LTBP1: variants seen among roughly 807,000 people sequenced by gnomAD.
LTBP1 encodes latent transforming growth factor beta binding protein 1, also known as latent-transforming growth factor beta-binding protein 1.
In LTBP1, 129 loss-of-function variants were observed where a neutral mutation model predicts 207.6. The observed-to-expected ratio is 0.62, with a 90% CI of 0.54 to 0.72. LTBP1 has a LOEUF of 0.72. LTBP1 is among the 30% of genes least tolerant of loss of function. The pLI is 0.00. For missense variants in LTBP1, 2,281 were observed against 2,217.2 expected, an observed-to-expected ratio of 1.03 and a Z score of -0.58; for synonymous variants, 963 against 833.7, an observed-to-expected ratio of 1.16 and a Z score of -2.67.
rs1446858530 is a variant in LTBP1, at chr2:33,385,427, A to G, written c.4712-3757A>G. 2.0e-5 allele frequency among the ~76,000 whole-genome samples: 3 copies of G among 152,234 alleles called. No individual in the cohort carries two copies. The East Asian group carries it at 5.8e-4, about 29-fold the overall frequency. On this transcript the variant is annotated intron_variant, in intron 31 of 33. Transcript: ENST00000404816. Reference sequence around the variant, plus strand: ...TTAAAAAAAACTTCATTTATTTCCAAATGTTCACTAGGGACTTAGTGATGT... The same window carrying G: ...TTAAAAAAAACTTCATTTATTTCCAGATGTTCACTAGGGACTTAGTGATGT...
chr2:33,059,785 T>C (rs748706550), intron 3 of LTBP1, among the ~76,000 whole-genome samples: 1 of 152,200 alleles, frequency 6.6e-6, no homozygotes, highest in Non-Finnish European at 1.5e-5. Flanking sequence ...TGAAGTGAAA[T>C]TTTGAGCATA....
Position 33,323,552 on chromosome 2 carries a change from G to A in LTBP1, c.3730+8283G>A, listed in dbSNP as rs532498347. 2.0e-5 allele frequency among the ~76,000 whole-genome samples: 3 copies of A among 152,202 alleles called. 1 individual carries two copies. Among genetic ancestry groups the A allele is most frequent in the African/African-American group, 7.2e-5 (3 of 41,536 alleles). ...CTTGCGAGGCTGAGGAAGGAGAATCGCATGAGCCTGGGAGGCGAGTGAGCT... is the reference window on the plus strand; with the variant it reads ...CTTGCGAGGCTGAGGAAGGAGAATCACATGAGCCTGGGAGGCGAGTGAGCT... On this transcript the variant is annotated intron_variant, in intron 24 of 33. Transcript: ENST00000404816.
intron 3 of LTBP1, among the ~76,000 whole-genome samples, chr2:33,033,301 G>C: frequency 6.6e-6 from 1 of 152,022 alleles, no homozygotes; most frequent in Middle Eastern, 3.4e-3. Flanking sequence ...TATTAAGTCA[G>C]ATATTTTATC....
chr2:33,246,918 C>T (rs919181011), intron 10 of LTBP1, among the ~76,000 whole-genome samples: 1 of 152,154 alleles, frequency 6.6e-6, no homozygotes, highest in Non-Finnish European at 1.5e-5. Context: ...AGACATGTTG[C>T]TACCTGATTT....
intron 2 of LTBP1, among the ~76,000 whole-genome samples, chr2:33,014,184 T>C (rs184150459): frequency 2.0e-5 from 3 of 152,320 alleles, no homozygotes. Context: ...ATGGTCCACG[T>C]ATTTAGAAAA....
chr2:33,221,481 G>C (rs1311395174), intron 8 of LTBP1, among the ~76,000 whole-genome samples: 1 of 152,192 alleles, frequency 6.6e-6, no homozygotes, highest in African/African-American at 2.4e-5. Context: ...TGCAACATTT[G>C]TATTGTTTGC....
At chr2:33,042,225 A>C (rs1169045811) in intron 3 of LTBP1, among the ~76,000 whole-genome samples, 1 of 152,222 alleles carries the variant, frequency 6.6e-6, no homozygotes, top group Non-Finnish European at 1.5e-5. Flanking sequence ...GATATGACTA[A>C]CTTTTAACAG....
intron 24 of LTBP1, among the ~76,000 whole-genome samples, chr2:33,320,472 T>C (rs1265537868): frequency 8.5e-5 from 13 of 152,086 alleles, no homozygotes; most frequent in Non-Finnish European, 1.9e-4. Context: ...AAAGCTGCTT[T>C]GATGCTAACT....
intron 4 of LTBP1, among the ~76,000 whole-genome samples, chr2:33,115,043 C>T (rs951048703): frequency 0.026 from 2,337 of 91,146 alleles, 20 homozygotes; most frequent in Middle Eastern, 0.092. Flanking sequence ...TATATACACA[C>T]ACACACACAC....
intron 7 of LTBP1, among the ~76,000 whole-genome samples, chr2:33,200,963 A>G (rs961048466): frequency 3.3e-5 from 5 of 152,242 alleles, no homozygotes; most frequent in Non-Finnish European, 7.3e-5. Flanking sequence ...CAATCATTAA[A>G]AAGTCAGGAA....
intron 7 of LTBP1, among the ~76,000 whole-genome samples, chr2:33,216,942 A>T (rs891650199): frequency 2.6e-5 from 4 of 152,154 alleles, no homozygotes; most frequent in African/African-American, 9.7e-5. Context: ...TCTCGCTTAA[A>T]CATGCTGGCA....
At chr2:33,227,880 C>G (rs911524322) in intron 9 of LTBP1, among the ~76,000 whole-genome samples, 2 of 133,926 alleles carry the variant, frequency 1.5e-5, no homozygotes, top group African/African-American at 2.8e-5. Context: ...TCTTGGCTCA[C>G]TGCAGCCTCT....
chr2:33,203,104 A>G (rs559390390), intron 7 of LTBP1, among the ~76,000 whole-genome samples: 1 of 152,296 alleles, frequency 6.6e-6, no homozygotes, highest in African/African-American at 2.4e-5. Flanking sequence ...TGCTCTCTGT[A>G]GCCATCCGTG....
At chr2:33,306,496 G>A (rs557996324) in intron 22 of LTBP1, among the ~76,000 whole-genome samples, 1 of 151,990 alleles carries the variant, frequency 6.6e-6, no homozygotes, top group Non-Finnish European at 1.5e-5. Context: ...CTTGAACCTG[G>A]GTGGCAATAG....
chr2:33,288,531 A>G (rs2093709961), intron 19 of LTBP1, among the ~76,000 whole-genome samples: 1 of 152,136 alleles, frequency 6.6e-6, no homozygotes, highest in African/African-American at 2.4e-5. Flanking sequence ...GGATACGGAG[A>G]GAGTAATGTT....
chr2:33,215,711 C>CTTTTTTTTTTTTTTTTTTTTTTTTT (rs201936680), intron 7 of LTBP1, among the ~76,000 whole-genome samples: 1 of 125,998 alleles, frequency 7.9e-6, no homozygotes. Flanking sequence ...CATTGGTTTT[C>CTTTTTTTTTTTTTTTTTTTTTTTTT]TTTTGTTTTT....
chr2:32,948,178 A>G (rs1676557343), intron 1 of LTBP1, among the ~76,000 whole-genome samples: 1 of 152,212 alleles, frequency 6.6e-6, no homozygotes, highest in African/African-American at 2.4e-5. Flanking sequence ...AAACTCTGCA[A>G]CTGAGTTTTA....
intron 31 of LTBP1, among the ~76,000 whole-genome samples, chr2:33,388,620 T>C (rs114099057): frequency 2.0e-3 from 298 of 152,302 alleles, no homozygotes; most frequent in African/African-American, 7.0e-3. Context: ...GCTGTTCTTA[T>C]TATCGTGATT....
At chr2:33,067,138 C>T (rs991465198) in intron 3 of LTBP1, among the ~76,000 whole-genome samples, 1 of 152,186 alleles carries the variant, frequency 6.6e-6, no homozygotes, top group East Asian at 1.9e-4. Context: ...TGCCACTGCC[C>T]TCCACCCTGG....
Sources: allele counts gnomAD v4.1 joint callset (sites outside exome capture counted in the v4.1 genomes callset), GRCh38; gene constraint gnomAD v4.1.1; transcripts MANE v1.5; gene names NCBI Gene and HGNC (gene_info 2026-07-23, HGNC 2026-07-21).